The following APPBP2 variants were observed in gnomAD, a reference collection of about 807,000 sequenced individuals.
The protein encoded by APPBP2 is amyloid beta precursor protein binding protein 2.
In APPBP2, 15 loss-of-function variants were observed where a neutral mutation model predicts 76.0. The ratio of observed to expected loss-of-function variants is 0.20; its 90% CI spans 0.13 to 0.30. APPBP2 has a LOEUF of 0.30. Among genes scored for constraint, APPBP2 ranks in the 10% least tolerant of loss-of-function variants. The probability of loss-of-function intolerance (pLI) is 1.00; values close to 1 mark genes in which losing one functional copy is unlikely to be tolerated. For missense variants in APPBP2, 401 were observed against 687.2 expected (o/e 0.58, Z 4.66); for synonymous variants, 222 against 242.2 (o/e 0.92, Z 0.77).
chr17:60,468,400 T>A (rs1362015477), intron 4 of APPBP2: 1 of 152,180 alleles, frequency 6.6e-6, no homozygotes, highest in African/African-American at 2.4e-5. Context: ...GAGAAACCCA[T>A]AGGTTGAAAA....
chr17:60,470,965 A>AT (rs150898047), intron 4 of APPBP2, among the ~76,000 whole-genome samples: 12,384 of 146,692 alleles, frequency 0.084, 1,663 homozygotes, highest in African/African-American at 0.29. Flanking sequence ...TAATTTTTGT[A>AT]TTTTTTTTTT....
chr17:60,486,873 T>C (rs1335688687), intron 3 of APPBP2, among the ~76,000 whole-genome samples: 3 of 152,326 alleles, frequency 2.0e-5, no homozygotes, highest in Non-Finnish European at 4.4e-5. Flanking sequence ...TCAGAAGCTC[T>C]TGTAAGGCAG....
chr17:60,462,090 C>T, intron 6 of APPBP2, 29 bp from the exon 7 acceptor site: 3 of 1,554,454 alleles, frequency 1.9e-6, no homozygotes, highest in African/African-American at 1.4e-5. Context: ...ATGGTTAACT[C>T]TCAAACAGTT....
intron 2 of APPBP2, among the ~76,000 whole-genome samples, chr17:60,494,988 T>G (rs1161673343): frequency 7.8e-6 from 1 of 127,744 alleles, no homozygotes; most frequent in Non-Finnish European, 1.5e-5. Context: ...TGTTTTGTTT[T>G]TTTTTTTTTT....
intron 9 of APPBP2, among the ~76,000 whole-genome samples, chr17:60,458,921 T>C (rs1567919935): frequency 6.6e-6 from 1 of 151,876 alleles, no homozygotes; most frequent in Non-Finnish European, 1.5e-5. Flanking sequence ...TACAGGCGCA[T>C]GCCACCATGC....
At chr17:60,499,412 G>A (rs1233424424) in intron 2 of APPBP2, among the ~76,000 whole-genome samples, 3 of 148,996 alleles carry the variant, frequency 2.0e-5, no homozygotes, top group South Asian at 2.1e-4. Flanking sequence ...GTGGCATAGC[G>A]CCTTTAGTCC....
chr17:60,499,627 G>GT (rs1284578866), intron 2 of APPBP2, among the ~76,000 whole-genome samples: 1 of 152,172 alleles, frequency 6.6e-6, no homozygotes, highest in Non-Finnish European at 1.5e-5. Context: ...GTTCACAGCA[G>GT]TATTATTCAC....
chr17:60,525,939 C>T lies in APPBP2; in HGVS notation c.-8G>A, dbSNP rs751978477. 1.9e-5 allele frequency: 31 copies of T among 1,593,508 alleles called. No homozygotes were observed. Among genetic ancestry groups the T allele is most frequent in the Non-Finnish European group, 2.6e-5 (31 of 1,170,188 alleles). Reference sequence around the variant, plus strand: ...TAGTTCCACGGCCGCCATCTTCCTTCCCTCCTCCTCCGCCTCCTCCGCCTC... The same window carrying T: ...TAGTTCCACGGCCGCCATCTTCCTTTCCTCCTCCTCCGCCTCCTCCGCCTC... On this transcript the variant is annotated 5_prime_UTR_variant, in exon 1 of 13. Coordinates refer to ENST00000083182, the MANE Select transcript of APPBP2 (RefSeq NM_006380.5).
chr17:60,458,974 T>C (rs892321397), intron 9 of APPBP2, among the ~76,000 whole-genome samples: 1 of 152,036 alleles, frequency 6.6e-6, no homozygotes, highest in Admixed American at 6.6e-5. Flanking sequence ...GGTTTCACTG[T>C]GTTGGCCAGG....
chr17:60,475,702 C>G (rs1176877210), intron 4 of APPBP2, among the ~76,000 whole-genome samples: 1 of 151,072 alleles, frequency 6.6e-6, no homozygotes, highest in Admixed American at 6.6e-5. Flanking sequence ...CTCCCCAACC[C>G]CACCCCACAG....
intron 11 of APPBP2, among the ~76,000 whole-genome samples, chr17:60,453,228 T>C (rs1250657305): frequency 6.6e-6 from 1 of 152,178 alleles, no homozygotes; most frequent in Non-Finnish European, 1.5e-5. Flanking sequence ...TCTCACTCTG[T>C]TATCCAAGCT....
chr17:60,479,857 T>G lies in APPBP2; in HGVS notation c.380-586A>C, dbSNP rs551699696. Among the ~76,000 whole-genome samples, 9 of 152,310 alleles carry G rather than the reference T, an allele frequency of 5.9e-5. No homozygotes were observed. In the East Asian group the frequency reaches 1.7e-3, roughly 29 times the overall value. ...AACACTTCGTATTGTGGTAACTACATAACTACACGAACTCACTCATTTAAC... is the reference window on the plus strand; with the variant it reads ...AACACTTCGTATTGTGGTAACTACAGAACTACACGAACTCACTCATTTAAC... On this transcript the variant is annotated intron_variant, in intron 3 of 12. Coordinates refer to ENST00000083182, the MANE Select transcript of APPBP2 (RefSeq NM_006380.5).
intron 12 of APPBP2, among the ~76,000 whole-genome samples, chr17:60,449,957 C>A (rs58434311): frequency 6.6e-6 from 1 of 151,760 alleles, no homozygotes; most frequent in East Asian, 2.0e-4. Flanking sequence ...GTACCACGCC[C>A]GGCTAATTTT....
intron 11 of APPBP2, among the ~76,000 whole-genome samples, chr17:60,454,023 C>T (rs2090415418): frequency 6.6e-6 from 1 of 152,054 alleles, no homozygotes; most frequent in African/African-American, 2.4e-5. Context: ...AGGCATGTGC[C>T]ACCACACCTG....
intron 8 of APPBP2, 85 bp from the exon 9 acceptor site, chr17:60,460,872 C>G: frequency 7.3e-7 from 1 of 1,378,306 alleles, no homozygotes. Flanking sequence ...AAATATATAT[C>G]TATATGCCTA....
At chr17:60,475,254 C>G (rs1003342059) in intron 4 of APPBP2, among the ~76,000 whole-genome samples, 1 of 151,968 alleles carries the variant, frequency 6.6e-6, no homozygotes, top group African/African-American at 2.4e-5. Flanking sequence ...AAACAAAAAA[C>G]ATGACTCAGA....
intron 4 of APPBP2, among the ~76,000 whole-genome samples, chr17:60,475,080 A>T (rs190868398): frequency 0.061 from 9,313 of 152,114 alleles, 392 homozygotes; most frequent in East Asian, 0.13. Context: ...ATACAAAAAA[A>T]TTAGCTGGGC....
chr17:60,514,100 AG>A (rs1250115707), intron 1 of APPBP2, among the ~76,000 whole-genome samples: 2 of 151,908 alleles, frequency 1.3e-5, no homozygotes, highest in Non-Finnish European at 2.9e-5. Context: ...TGAACCCAGG[AG>A]TTCAACACCA....
intron 4 of APPBP2, among the ~76,000 whole-genome samples, chr17:60,468,250 C>A (rs1193410899): frequency 2.0e-5 from 3 of 151,884 alleles, no homozygotes; most frequent in African/African-American, 4.8e-5. Flanking sequence ...TACACTCTGG[C>A]TATAGCAAAG....
Sources: allele counts gnomAD v4.1 joint callset (sites outside exome capture counted in the v4.1 genomes callset), GRCh38; gene constraint gnomAD v4.1.1; transcripts MANE v1.5; gene names NCBI Gene and HGNC (gene_info 2026-07-23, HGNC 2026-07-21).